Variants in ANKS1B observed in about 807,000 individuals in gnomAD.
ANKS1B encodes the protein ankyrin repeat and sterile alpha motif domain-containing protein 1B.
In ANKS1B, 36 loss-of-function variants were observed where a neutral mutation model predicts 148.3. The ratio of observed to expected loss-of-function variants is 0.24; its 90% confidence interval spans 0.19 to 0.32. The LOEUF (loss-of-function observed/expected upper bound fraction) is 0.32, where lower values mean the gene tolerates loss of function less well. Ranked by LOEUF, ANKS1B falls within the 10% of genes least tolerant of loss-of-function variation. The pLI is 1.00. For synonymous variants in ANKS1B, 542 were observed against 560.8 expected, an observed-to-expected ratio of 0.97 and a Z score of 0.47; for missense variants, 1,157 against 1,542.6, an observed-to-expected ratio of 0.75 and a Z score of 4.19.
rs182165384 is a variant in ANKS1B at position 99,647,393 on chromosome 12, G to A, written c.1272+7674C>T. Among the ~76,000 whole-genome samples, 975 of 152,260 alleles carry A rather than the reference G, an allele frequency of 6.4e-3. 7 individuals are homozygous for A. The highest frequency in any genetic ancestry group is 0.013 in the South Asian group (65 of 4,818). ...TACAACAAACATTGATAAACATCCT[G>A]TACCAATCTGTTTACCAATTTATCC... On this transcript the variant is annotated intron_variant, in intron 9 of 26. Transcript: ENST00000683438.
At chr12:98,994,527 G>A (rs1656203013) in intron 17 of ANKS1B, among the ~76,000 whole-genome samples, 1 of 152,202 alleles carries the variant, frequency 6.6e-6, no homozygotes, top group African/African-American at 2.4e-5. Context: ...TGAGGCAGGA[G>A]AGAATCGCTT....
chr12:99,759,939 G>T (rs2061926782), intron 8 of ANKS1B, among the ~76,000 whole-genome samples: 1 of 127,720 alleles, frequency 7.8e-6, no homozygotes, highest in African/African-American at 3.0e-5. Context: ...AGATTATAAA[G>T]AGATTAGAAA....
chr12:99,182,639 T>C (rs2079259215), intron 14 of ANKS1B, among the ~76,000 whole-genome samples: 2 of 152,210 alleles, frequency 1.3e-5, no homozygotes, highest in Admixed American at 6.5e-5. Context: ...CAGATATCTC[T>C]TCAATATATT....
intron 1 of ANKS1B, among the ~76,000 whole-genome samples, chr12:99,957,592 C>T (rs1361020892): frequency 1.3e-5 from 2 of 152,174 alleles, no homozygotes; most frequent in Non-Finnish European, 2.9e-5. Context: ...ATCTTGGATT[C>T]CAAATCCAAT....
chr12:99,741,989 A>G (rs1227931257), intron 8 of ANKS1B, among the ~76,000 whole-genome samples: 1 of 152,194 alleles, frequency 6.6e-6, no homozygotes, highest in Non-Finnish European at 1.5e-5. Context: ...TCCTTAGCAA[A>G]GTAACACAGG....
chr12:99,921,684 G>A (rs2094357471), intron 1 of ANKS1B, among the ~76,000 whole-genome samples: 1 of 151,934 alleles, frequency 6.6e-6, no homozygotes, highest in Non-Finnish European at 1.5e-5. Flanking sequence ...AATCTGTTTT[G>A]GAGATAAAAA....
intron 8 of ANKS1B, among the ~76,000 whole-genome samples, chr12:99,680,562 G>C (rs180767811): frequency 1.3e-5 from 2 of 152,356 alleles, no homozygotes; most frequent in African/African-American, 4.8e-5. Context: ...GGACCACAGG[G>C]AGAAAGAAAC....
intron 9 of ANKS1B, among the ~76,000 whole-genome samples, chr12:99,590,253 C>CA (rs2097687436): frequency 5.5e-5 from 7 of 128,358 alleles, no homozygotes; most frequent in South Asian, 2.5e-4. Flanking sequence ...CACACCCACA[C>CA]CCACCCACAC....
At chr12:99,904,047 C>T (rs1036740791) in intron 1 of ANKS1B, among the ~76,000 whole-genome samples, 4 of 152,156 alleles carry the variant, frequency 2.6e-5, no homozygotes, top group Admixed American at 1.3e-4. Context: ...TGGGCTCTAC[C>T]CAGGCCCTTT....
chr12:99,772,614 A>G (rs2063300638), intron 8 of ANKS1B: 2 of 189,556 alleles, frequency 1.1e-5, no homozygotes, highest in Non-Finnish European at 2.1e-5. Context: ...TTTTTTGGGA[A>G]CCAACATCAT....
At chr12:99,327,969 C>G (rs1039508529) in intron 12 of ANKS1B, among the ~76,000 whole-genome samples, 1 of 151,802 alleles carries the variant, frequency 6.6e-6, no homozygotes, top group African/African-American at 2.4e-5. Flanking sequence ...CCTCCTGATA[C>G]TCTACTACAT....
chr12:98,983,635 T>C (rs2099920275), intron 17 of ANKS1B, among the ~76,000 whole-genome samples: 1 of 152,198 alleles, frequency 6.6e-6, no homozygotes, highest in South Asian at 2.1e-4. Flanking sequence ...AGGTAAAATA[T>C]ATTCACCACT....
rs11110004 is a variant in ANKS1B, at chr12:99,694,540, T to C, written c.1129-39330A>G. ...GGAGTTTCAACAAAAAGTAATGACA[T>C]TAAACATGATACTGTAAAAGATAAA... is the stretch of plus-strand genomic sequence containing the variant. On this transcript the variant is annotated intron_variant, in intron 8 of 26. Transcript: ENST00000683438. Among the ~76,000 whole-genome samples the C allele has an allele frequency of 4.9e-3, 745 of 151,904 alleles. 3 individuals carry two copies. Among genetic ancestry groups the C allele is most frequent in the African/African-American group, 0.017 (685 of 41,446 alleles).
At chr12:98,978,623 T>C (rs1272356146) in intron 17 of ANKS1B, among the ~76,000 whole-genome samples, 2 of 152,186 alleles carry the variant, frequency 1.3e-5, no homozygotes, top group African/African-American at 2.4e-5. Context: ...TCTTAATTCA[T>C]ATAGTCATGT....
At chr12:99,905,322 G>C (rs571968127) in intron 1 of ANKS1B, among the ~76,000 whole-genome samples, 2 of 152,154 alleles carry the variant, frequency 1.3e-5, no homozygotes, top group Admixed American at 6.6e-5. Flanking sequence ...GAAGGGAGTG[G>C]AAGTTTGGTC....
intron 12 of ANKS1B, among the ~76,000 whole-genome samples, chr12:99,297,445 TCTCA>T (rs1278936023): frequency 1.3e-5 from 2 of 152,340 alleles, no homozygotes; most frequent in African/African-American, 2.4e-5. Context: ...GAGCTATTTC[TCTCA>T]CTGAGAACCT....
At chr12:99,493,718 G>A (rs2096576119) in intron 10 of ANKS1B, among the ~76,000 whole-genome samples, 1 of 152,170 alleles carries the variant, frequency 6.6e-6, no homozygotes, top group Admixed American at 6.5e-5. Flanking sequence ...ATGAAGAAAA[G>A]GTTTGGGGGG....
chr12:99,238,181 G>A (rs1346336823), intron 14 of ANKS1B, among the ~76,000 whole-genome samples: 2 of 152,190 alleles, frequency 1.3e-5, no homozygotes, highest in Admixed American at 1.3e-4. Flanking sequence ...TGGAGAAATG[G>A]TACACTCCTG....
intron 4 of ANKS1B, among the ~76,000 whole-genome samples, chr12:99,797,919 C>T (rs1051658067): frequency 1.2e-4 from 18 of 151,702 alleles, no homozygotes; most frequent in Non-Finnish European, 1.6e-4. Flanking sequence ...TTCTTTTTGG[C>T]GTTATATATT....
Sources: gnomAD v4.1 joint callset for allele counts (sites outside exome capture counted in the v4.1 genomes callset) on GRCh38, gnomAD v4.1.1 for gene constraint, MANE v1.5 for transcripts, NCBI Gene and HGNC (gene_info 2026-07-23, HGNC 2026-07-21) for gene names.